The following ACVR2A variants were observed in gnomAD, a reference collection of about 807,000 sequenced individuals.
ACVR2A encodes activin A receptor type 2A, also known as activin receptor type-2A.
In ACVR2A, 7 loss-of-function variants were observed where a neutral mutation model predicts 61.4. The ratio of observed to expected loss-of-function variants is 0.11; its 90% CI spans 0.06 to 0.21. The LOEUF (loss-of-function observed/expected upper bound fraction) is 0.21. ACVR2A is among the 10% of genes least tolerant of loss of function. ACVR2A has a pLI of 1.00. For missense variants in ACVR2A, 322 were observed against 621.7 expected (o/e 0.52, Z 5.13); for synonymous variants, 193 against 208.3 (o/e 0.93, Z 0.63).
chr2:147,913,612 G>A (rs547837654), intron 4 of ACVR2A, among the ~76,000 whole-genome samples: 13 of 151,288 alleles, frequency 8.6e-5, no homozygotes, highest in African/African-American at 3.1e-4. Flanking sequence ...AGAATTTCTC[G>A]GATAGAGGTG....
intron 1 of ACVR2A, among the ~76,000 whole-genome samples, chr2:147,888,169 T>C (rs1357668367): frequency 3.3e-5 from 5 of 152,212 alleles, no homozygotes; most frequent in Non-Finnish European, 5.9e-5. Flanking sequence ...TCTTTTTCAC[T>C]GATGTATGTT....
chr2:147,872,109 C>T (rs941156775), intron 1 of ACVR2A, among the ~76,000 whole-genome samples: 3 of 151,936 alleles, frequency 2.0e-5, no homozygotes, highest in Admixed American at 6.6e-5. Flanking sequence ...TGGTTTGATA[C>T]GTATTTATTC....
At chr2:147,845,808 G>T (rs1228987411) in intron 1 of ACVR2A, among the ~76,000 whole-genome samples, 1 of 152,194 alleles carries the variant, frequency 6.6e-6, no homozygotes, top group Non-Finnish European at 1.5e-5. Context: ...CTATAACCCA[G>T]TGCAGAAGAG....
chr2:147,904,110 A>C (rs1288556513), intron 4 of ACVR2A, among the ~76,000 whole-genome samples: 2 of 151,994 alleles, frequency 1.3e-5, no homozygotes, highest in African/African-American at 4.8e-5. Context: ...CTGTAATCAC[A>C]GACTGAAGCA....
chr2:147,847,527 A>G (rs1685342213), intron 1 of ACVR2A, among the ~76,000 whole-genome samples: 1 of 152,122 alleles, frequency 6.6e-6, no homozygotes. Context: ...TCAAAATGGG[A>G]AACAATAGTA....
At chr2:147,889,820 T>C (rs78276202) in intron 1 of ACVR2A, among the ~76,000 whole-genome samples, 4 of 143,372 alleles carry the variant, frequency 2.8e-5, no homozygotes, top group Non-Finnish European at 6.0e-5. Context: ...TGTATTGCTA[T>C]TTTTTTTTTA....
intron 1 of ACVR2A, among the ~76,000 whole-genome samples, chr2:147,883,232 C>G (rs1686352626): frequency 6.6e-6 from 1 of 151,982 alleles, no homozygotes; most frequent in African/African-American, 2.4e-5. Context: ...CTCTTGTTGC[C>G]CAGGCTGGAG....
chr2:147,886,800 T>A (rs888159827), intron 1 of ACVR2A, among the ~76,000 whole-genome samples: 15 of 151,780 alleles, frequency 9.9e-5, no homozygotes, highest in African/African-American at 3.6e-4. Context: ...GACGTTTGTT[T>A]TACATTGATT....
chr2:147,913,822 C>CAAAA (rs575237522), intron 4 of ACVR2A, among the ~76,000 whole-genome samples: 3 of 61,782 alleles, frequency 4.9e-5, no homozygotes, highest in African/African-American at 1.6e-4. Context: ...AACTTGTAGA[C>CAAAA]AAAAAAAAAA....
intron 1 of ACVR2A, among the ~76,000 whole-genome samples, chr2:147,846,797 C>G (rs1215936028): frequency 6.6e-6 from 1 of 152,140 alleles, no homozygotes; most frequent in African/African-American, 2.4e-5. Context: ...TCCTCTGCTT[C>G]TATATGTTGT....
intron 4 of ACVR2A, among the ~76,000 whole-genome samples, chr2:147,904,039 G>A (rs1265712586): frequency 6.6e-6 from 1 of 151,918 alleles, no homozygotes; most frequent in Admixed American, 6.6e-5. Context: ...TTTGTGGGGG[G>A]CTGTAAAATA....
At chr2:147,885,919 A>G (rs982937758) in intron 1 of ACVR2A, among the ~76,000 whole-genome samples, 5 of 152,224 alleles carry the variant, frequency 3.3e-5, no homozygotes, top group Non-Finnish European at 5.9e-5. Flanking sequence ...TTATTGGGGA[A>G]AATTGGGAAA....
At chr2:147,925,959 A>T in intron 9 of ACVR2A, 72 bp from the exon 10 acceptor site, 2 of 1,485,678 alleles carry the variant, frequency 1.3e-6, no homozygotes, top group Non-Finnish European at 1.8e-6. Context: ...TATATTTTAG[A>T]AAGTTTGTAC....
chr2:147,857,676 T>G (rs939513347), intron 1 of ACVR2A, among the ~76,000 whole-genome samples: 1 of 152,112 alleles, frequency 6.6e-6, no homozygotes, highest in Non-Finnish European at 1.5e-5. Context: ...GTGTTGTGCC[T>G]GTCTACCACA....
intron 1 of ACVR2A, among the ~76,000 whole-genome samples, chr2:147,851,988 T>C (rs996809792): frequency 6.6e-6 from 1 of 152,128 alleles, no homozygotes; most frequent in African/African-American, 2.4e-5. Context: ...TTTATGGTTC[T>C]ATAATTTTAA....
At chr2:147,873,978 G>T (rs920717033) in intron 1 of ACVR2A, among the ~76,000 whole-genome samples, 2 of 151,924 alleles carry the variant, frequency 1.3e-5, no homozygotes, top group Admixed American at 6.6e-5. Flanking sequence ...GTGGCATGGA[G>T]GATGAATTAT....
At chr2:147,890,373 C>T (rs1023206635) in intron 1 of ACVR2A, among the ~76,000 whole-genome samples, 1 of 91,586 alleles carries the variant, frequency 1.1e-5, no homozygotes, top group African/African-American at 3.8e-5. Context: ...TGTGTGTATA[C>T]ACACATACAT....
intron 10 of ACVR2A, among the ~76,000 whole-genome samples, 185 bp from the exon 11 acceptor site, chr2:147,926,895 G>T (rs1184022613): frequency 6.6e-6 from 1 of 151,382 alleles, no homozygotes; most frequent in Non-Finnish European, 1.5e-5. Context: ...ATAGTCTCAT[G>T]CTTAAAAAAA....
Position 147,927,388 on chromosome 2 carries a change from A to C in ACVR2A, c.*114A>C, listed in dbSNP as rs1036956450. ...AAAATGAGTAGGATGTCTCTTGGAA[A>C]TGTTAAGAAAGAAGACCCTTTGTTG... is the stretch of plus-strand genomic sequence containing the variant. On this transcript the variant is annotated 3_prime_UTR_variant, in exon 11 of 11. Coordinates refer to ENST00000241416, the MANE Select transcript of ACVR2A (RefSeq NM_001616.5). 7 of 1,046,138 alleles carry C rather than the reference A, an allele frequency of 6.7e-6. No individual in the cohort carries two copies. In the South Asian group the frequency reaches 1.1e-4, roughly 16 times the overall value. 64.8% of individuals were successfully genotyped at this position (1,046,138 alleles called of 1,614,324 possible). A position where few individuals can be genotyped will look rare whatever the true frequency, so the allele number is the denominator to read the frequency against.
Sources: allele counts gnomAD v4.1 joint callset (sites outside exome capture counted in the v4.1 genomes callset), GRCh38; gene constraint gnomAD v4.1.1; transcripts MANE v1.5; gene names NCBI Gene and HGNC (gene_info 2026-07-23, HGNC 2026-07-21).